The following ANXA3 variants were observed in gnomAD, a reference collection of about 807,000 sequenced individuals.
ANXA3 encodes the protein 35-alpha calcimedin.
Under a neutral mutation model 48.8 loss-of-function variants are expected in ANXA3, and 46 were observed. The ratio of observed to expected loss-of-function variants is 0.94; its 90% CI spans 0.74 to 1.21. ANXA3 has a LOEUF of 1.21. Ranked by LOEUF, ANXA3 falls within the 50% of genes most tolerant of loss-of-function variation. ANXA3 has a pLI of 0.00. For missense variants in ANXA3, 383 were observed against 378.6 expected, an observed-to-expected ratio of 1.01 and a Z score of -0.10; for synonymous variants, 128 against 134.7, an observed-to-expected ratio of 0.95 and a Z score of 0.35.
In ANXA3 at chr4:78,604,447, C is replaced by T. The variant is rs776155303; in HGVS notation, c.912+48C>T. On this transcript the variant is annotated intron_variant, in intron 12 of 12. Coordinates refer to ENST00000264908, the MANE Select transcript of ANXA3 (RefSeq NM_005139.3). ...CAAAACATATTTTGCCCTTCTCTAC[C>T]CATCTCCTTACTCTTATATGCCTTA... The T allele has an allele frequency of 7.8e-6, 12 of 1,533,140 alleles. No homozygotes were observed. The African/African-American group carries it at 1.5e-4, about 19-fold the overall frequency. 95.0% of individuals were successfully genotyped at this position (1,533,140 alleles called of 1,614,324 possible).
intron 2 of ANXA3, among the ~76,000 whole-genome samples, chr4:78,562,599 TACTA>T (rs1460360881): frequency 2.0e-5 from 3 of 152,224 alleles, no homozygotes; most frequent in African/African-American, 4.8e-5. Context: ...AACTAATATT[TACTA>T]ACTATCTTTT....
chr4:78,597,273 T>C (rs749307848), intron 9 of ANXA3, 46 bp from the exon 10 acceptor site: 2 of 1,245,024 alleles, frequency 1.6e-6, no homozygotes, highest in Non-Finnish European at 2.3e-6. Flanking sequence ...TATTCAAATG[T>C]GCTCAACTGC....
chr4:78,556,099 A>G (rs1397024676), intron 2 of ANXA3, among the ~76,000 whole-genome samples: 1 of 152,188 alleles, frequency 6.6e-6, no homozygotes, highest in Non-Finnish European at 1.5e-5. Context: ...ACTTGTGGGT[A>G]TGTATCTTAT....
chr4:78,593,144 CACACACA>C (rs1560449042), intron 7 of ANXA3, among the ~76,000 whole-genome samples: 15 of 151,532 alleles, frequency 9.9e-5, no homozygotes, highest in African/African-American at 3.4e-4. Flanking sequence ...CACACACACA[CACACACA>C]CCACTTAAAC....
chr4:78,589,270 A>T (rs1560447944), intron 6 of ANXA3, among the ~76,000 whole-genome samples: 1 of 152,234 alleles, frequency 6.6e-6, no homozygotes, highest in Non-Finnish European at 1.5e-5. Context: ...TGATAATAGC[A>T]CAAAGTTACC....
chr4:78,596,237 C>T (rs1348099025), intron 9 of ANXA3, among the ~76,000 whole-genome samples: 2 of 152,194 alleles, frequency 1.3e-5, no homozygotes, highest in Non-Finnish European at 2.9e-5. Flanking sequence ...TAACAGTTCT[C>T]CCTAGTTAGC....
chr4:78,584,569 C>G (rs1020718827), intron 5 of ANXA3, among the ~76,000 whole-genome samples: 1 of 152,126 alleles, frequency 6.6e-6, no homozygotes, highest in Admixed American at 6.5e-5. Context: ...TGGTCTTGGC[C>G]TATATCTTCT....
intron 6 of ANXA3, among the ~76,000 whole-genome samples, chr4:78,586,866 C>T (rs112965437): frequency 3.3e-5 from 5 of 152,318 alleles, no homozygotes; most frequent in African/African-American, 9.6e-5. Flanking sequence ...TGTGACTTCA[C>T]AGGTTAAGGT....
chr4:78,563,476 G>T (rs912881773), intron 2 of ANXA3, among the ~76,000 whole-genome samples: 7 of 142,464 alleles, frequency 4.9e-5, no homozygotes, highest in Admixed American at 2.9e-4. Context: ...GGGTGATTAG[G>T]TTAGGTGGGG....
chr4:78,596,317 A>T (rs1182628744), intron 9 of ANXA3, among the ~76,000 whole-genome samples: 1 of 152,204 alleles, frequency 6.6e-6, no homozygotes, highest in Non-Finnish European at 1.5e-5. Context: ...ACCTTTAGCT[A>T]TTTCTGATAT....
intron 5 of ANXA3, among the ~76,000 whole-genome samples, chr4:78,585,441 C>T (rs1722583750): frequency 6.6e-6 from 1 of 152,180 alleles, no homozygotes; most frequent in African/African-American, 2.4e-5. Flanking sequence ...GGTTCACTCC[C>T]TCACTCTAAG....
At chr4:78,600,544 A>G (rs565913654) in intron 10 of ANXA3, among the ~76,000 whole-genome samples, 3 of 152,156 alleles carry the variant, frequency 2.0e-5, no homozygotes, top group Admixed American at 1.3e-4. Context: ...TTGTCAGAGA[A>G]CTTCATGTAA....
intron 12 of ANXA3, among the ~76,000 whole-genome samples, chr4:78,608,431 G>T (rs1723695923): frequency 6.6e-6 from 1 of 152,104 alleles, no homozygotes. Flanking sequence ...GACCTTTTTG[G>T]CAATGTTTAA....
At chr4:78,564,228 A>G (rs1408831488) in intron 2 of ANXA3, among the ~76,000 whole-genome samples, 1 of 152,224 alleles carries the variant, frequency 6.6e-6, no homozygotes, top group Non-Finnish European at 1.5e-5. Flanking sequence ...AGAGACAGGA[A>G]GGAAGATGTA....
intron 12 of ANXA3, among the ~76,000 whole-genome samples, chr4:78,608,435 T>C (rs1341379023): frequency 6.6e-6 from 1 of 152,066 alleles, no homozygotes; most frequent in Non-Finnish European, 1.5e-5. Context: ...TTTTTGGCAA[T>C]GTTTAAGGAA....
intron 1 of ANXA3, among the ~76,000 whole-genome samples, chr4:78,552,711 C>T (rs2109920533): frequency 6.6e-6 from 1 of 152,294 alleles, no homozygotes; most frequent in East Asian, 1.9e-4. Flanking sequence ...AAGACCCTGC[C>T]CTCCGGGAAA....
chr4:78,604,037 A>T, intron 11 of ANXA3: 1 of 339,082 alleles, frequency 2.9e-6, no homozygotes. Flanking sequence ...TTCTTTACAA[A>T]ACTGGAAGCT....
At chr4:78,560,681 C>T (rs1004854362) in intron 2 of ANXA3, among the ~76,000 whole-genome samples, 6 of 152,126 alleles carry the variant, frequency 3.9e-5, no homozygotes. Flanking sequence ...TCTGGCTGAC[C>T]AGAGTTGCAA....
intron 5 of ANXA3, among the ~76,000 whole-genome samples, chr4:78,584,796 T>G (rs1723139763): frequency 6.6e-6 from 1 of 152,208 alleles, no homozygotes; most frequent in South Asian, 2.1e-4. Flanking sequence ...GAGAAACACC[T>G]GTGAAGGATA....
Sources: allele counts gnomAD v4.1 joint callset (sites outside exome capture counted in the v4.1 genomes callset), GRCh38; gene constraint gnomAD v4.1.1; transcripts MANE v1.5; gene names NCBI Gene and HGNC (gene_info 2026-07-23, HGNC 2026-07-21).